Variants in PCDH15 observed in about 807,000 individuals in gnomAD.
The protein encoded by PCDH15 is protocadherin-15.
Under a neutral mutation model 178.5 loss-of-function variants are expected in PCDH15, and 129 were observed. The ratio of observed to expected loss-of-function variants is 0.72; its 90% CI spans 0.63 to 0.84. The LOEUF is 0.84. Ranked by LOEUF, PCDH15 falls within the 40% of genes least tolerant of loss-of-function variation. PCDH15 has a pLI of 0.00. For synonymous variants in PCDH15, 800 were observed against 732.0 expected (o/e 1.09, Z -1.50); for missense variants, 2,230 against 2,099.9 (o/e 1.06, Z -1.21).
chr10:54,657,406 G>A (rs906241410), intron 2 of PCDH15, among the ~76,000 whole-genome samples: 5 of 152,140 alleles, frequency 3.3e-5, no homozygotes, highest in Non-Finnish European at 7.4e-5. Flanking sequence ...GAATGAGCAG[G>A]CTCTTATGCT....
chr10:55,177,389 G>A (rs1195930277), intron 1 of PCDH15, among the ~76,000 whole-genome samples: 6 of 152,116 alleles, frequency 3.9e-5, no homozygotes, highest in Admixed American at 1.3e-4. Flanking sequence ...TTGGGAAGCC[G>A]TTCAATCCTT....
intron 2 of PCDH15, among the ~76,000 whole-genome samples, chr10:55,482,515 G>A (rs1840203391): frequency 6.6e-6 from 1 of 151,754 alleles, no homozygotes; most frequent in Admixed American, 6.6e-5. Flanking sequence ...AGGTCTGGTG[G>A]TAACAAATTC....
chr10:54,843,035 T>G (rs1231993011), intron 3 of PCDH15, among the ~76,000 whole-genome samples: 1 of 151,980 alleles, frequency 6.6e-6, no homozygotes, highest in Non-Finnish European at 1.5e-5. Context: ...TACGATCCTT[T>G]AAGGGTCAAG....
At chr10:53,838,803 T>A (rs1351001728) in intron 29 of PCDH15, among the ~76,000 whole-genome samples, 2 of 152,156 alleles carry the variant, frequency 1.3e-5, no homozygotes, top group Non-Finnish European at 2.9e-5. Context: ...AAATGTTGCT[T>A]CATTTTGGTG....
intron 3 of PCDH15, among the ~76,000 whole-genome samples, chr10:54,460,383 T>C (rs909589685): frequency 2.0e-5 from 3 of 152,058 alleles, no homozygotes; most frequent in Non-Finnish European, 4.4e-5. Flanking sequence ...CTGATAGCCA[T>C]GGAAGTACTT....
chr10:53,976,866 G>A (rs1027677112), intron 21 of PCDH15, among the ~76,000 whole-genome samples: 5 of 151,562 alleles, frequency 3.3e-5, no homozygotes, highest in African/African-American at 1.2e-4. Context: ...TTTTATCTGA[G>A]TTATTTTCTA....
intron 8 of PCDH15, among the ~76,000 whole-genome samples, chr10:54,277,179 G>A (rs571854929): frequency 1.7e-4 from 26 of 151,522 alleles, no homozygotes; most frequent in African/African-American, 4.6e-4. Flanking sequence ...TAACCTTCAG[G>A]AAAAAAGGCC....
intron 26 of PCDH15, 130 bp from the exon 27 acceptor site, chr10:53,866,987 T>G (rs1269268970): frequency 4.4e-6 from 3 of 678,744 alleles, no homozygotes; most frequent in Non-Finnish European, 7.8e-6. Flanking sequence ...CTCCTAAATG[T>G]CTGTTTTTTC....
chr10:53,987,846 C>T (rs2091212824), intron 21 of PCDH15, among the ~76,000 whole-genome samples: 1 of 152,180 alleles, frequency 6.6e-6, no homozygotes, highest in African/African-American at 2.4e-5. Flanking sequence ...ACATTACTAG[C>T]AGGTTTCCCT....
intron 1 of PCDH15, among the ~76,000 whole-genome samples, chr10:54,745,575 G>A (rs1434193659): frequency 1.3e-5 from 2 of 152,170 alleles, no homozygotes; most frequent in Non-Finnish European, 2.9e-5. Flanking sequence ...AGTTAGACTG[G>A]TAAGGGGTTT....
chr10:54,744,778 T>C (rs954810553), intron 1 of PCDH15, among the ~76,000 whole-genome samples: 3 of 152,182 alleles, frequency 2.0e-5, no homozygotes, highest in African/African-American at 7.2e-5. Flanking sequence ...TCCTATTTGC[T>C]ATAATATAAT....
intron 3 of PCDH15, among the ~76,000 whole-genome samples, chr10:54,485,536 C>G (rs1190935278): frequency 6.6e-6 from 1 of 151,924 alleles, no homozygotes; most frequent in Admixed American, 6.6e-5. Flanking sequence ...TTCATCTCTG[C>G]TCCCTGAAAG....
chr10:55,077,664 CTCAGCCTCCCGA>C lies in PCDH15; in HGVS notation c.-80+88900_-80+88911del, dbSNP rs538884723. 1.1e-4 allele frequency among the ~76,000 whole-genome samples: 16 copies of C among 152,214 alleles called. No homozygotes were observed. The East Asian group carries it at 3.1e-3, about 30-fold the overall frequency. The stretch of plus-strand genomic sequence containing the variant: ...TCCTGGGTTCAAGCGATTCTCCTGC[CTCAGCCTCCCGA>C]GTAGCTGGTATTAAAGGCATGCGCC... On this transcript the variant is annotated intron_variant, in intron 2 of 5. Coordinates refer to the PCDH15 transcript ENST00000458638.
chr10:54,881,203 C>A (rs1199143313), intron 3 of PCDH15, among the ~76,000 whole-genome samples: 1 of 152,022 alleles, frequency 6.6e-6, no homozygotes, highest in Non-Finnish European at 1.5e-5. Flanking sequence ...AGTTCGGCAG[C>A]TTCATAGCAG....
intron 15 of PCDH15, among the ~76,000 whole-genome samples, chr10:54,095,793 A>G (rs1053404194): frequency 2.6e-5 from 4 of 152,166 alleles, no homozygotes; most frequent in South Asian, 2.1e-4. Flanking sequence ...GGGATACTCT[A>G]TGAAGGCTTA....
intron 1 of PCDH15, among the ~76,000 whole-genome samples, chr10:54,771,631 T>A (rs1021716591): frequency 6.6e-6 from 1 of 152,064 alleles, no homozygotes. Flanking sequence ...TCCAAAGGGA[T>A]TAGAGTTTAA....
At chr10:55,530,687 G>A (rs548343477) in intron 2 of PCDH15, among the ~76,000 whole-genome samples, 3 of 151,866 alleles carry the variant, frequency 2.0e-5, no homozygotes, top group African/African-American at 7.2e-5. Flanking sequence ...TATTTTCTTT[G>A]GTTTATTTTT....
chr10:54,000,107 T>C (rs548628006), intron 20 of PCDH15, among the ~76,000 whole-genome samples: 1 of 152,322 alleles, frequency 6.6e-6, no homozygotes, highest in South Asian at 2.1e-4. Flanking sequence ...AGTAAGAGTC[T>C]GCCAAGAACC....
intron 3 of PCDH15, among the ~76,000 whole-genome samples, chr10:54,439,513 T>C (rs1054717239): frequency 1.2e-4 from 18 of 152,072 alleles, no homozygotes; most frequent in Non-Finnish European, 2.2e-4. Context: ...TACTCCCAAA[T>C]GTCTGACTAA....
Sources: allele counts gnomAD v4.1 joint callset (sites outside exome capture counted in the v4.1 genomes callset), GRCh38; gene constraint gnomAD v4.1.1; transcripts MANE v1.5; gene names NCBI Gene and HGNC (gene_info 2026-07-23, HGNC 2026-07-21).